The following SUZ12 variants were observed in gnomAD, a reference collection of about 807,000 sequenced individuals.
SUZ12 encodes polycomb protein SUZ12.
In SUZ12, 17 loss-of-function variants were observed where a neutral mutation model predicts 87.3. The observed-to-expected ratio is 0.19, with a 90% CI of 0.13 to 0.29. SUZ12 has a LOEUF of 0.29. Among genes scored for constraint, SUZ12 ranks in the 10% least tolerant of loss-of-function variants. The pLI, the probability that SUZ12 is intolerant of heterozygous loss-of-function variation, is 1.00. For missense variants in SUZ12, 526 were observed against 912.2 expected (o/e 0.58, Z 5.45); for synonymous variants, 253 against 312.4 (o/e 0.81, Z 2.01).
chr17:31,979,844 C>A (rs1308250065), intron 8 of SUZ12, among the ~76,000 whole-genome samples: 1 of 152,070 alleles, frequency 6.6e-6, no homozygotes, highest in Non-Finnish European at 1.5e-5. Flanking sequence ...ATAGTTTTAG[C>A]ATTGATTGAT....
chr17:31,937,276 AG>A lies in SUZ12; in HGVS notation c.35del (p.Gly12AlafsTer60). MAPQKHGGGGGGGSGPSAGSG... is the reference protein window; with the variant it reads MAPQKHGGGGXGGSGPSAGSG... ...CGCCTCAGAAGCACGGCGGTGGGGGAGGGGGCGGCTCGGGGCCCAGCGCGGG... is the reference window on the plus strand; with the variant it reads ...CGCCTCAGAAGCACGGCGGTGGGGGAGGGGCGGCTCGGGGCCCAGCGCGGG... On this transcript the variant is annotated frameshift_variant, in exon 1 of 16. Coordinates refer to ENST00000322652, the MANE Select transcript of SUZ12 (RefSeq NM_015355.4). LOFTEE classifies it high-confidence loss of function. 7.2e-7 allele frequency: 1 copy of A among 1,383,462 alleles called. No individual in the cohort carries two copies. Among genetic ancestry groups the A allele is most frequent in the Non-Finnish European group, 9.3e-7 (1 of 1,079,484 alleles). 85.7% of individuals were successfully genotyped at this position (1,383,462 alleles called of 1,614,324 possible).
chr17:31,999,422 AGTG>A lies in SUZ12; in HGVS notation c.*422_*424del, dbSNP rs1177203411. 8.6e-6 allele frequency: 2 copies of A among 232,282 alleles called. No individual in the cohort carries two copies. The highest frequency in any genetic ancestry group is 5.6e-5 in the Admixed American group (1 of 17,756). The allele number at this position is 232,282 out of a possible 1,614,324, so 14.4% of individuals were successfully genotyped here. A position where few individuals can be genotyped will look rare whatever the true frequency, so the allele number is the denominator to read the frequency against. ...AATGGTTCCCTTTTTTAGAAATTGA[AGTG>A]GTCTTCATATGTCAACTACAGAAAA... is the stretch of plus-strand genomic sequence containing the variant. On this transcript the variant is annotated 3_prime_UTR_variant, in exon 16 of 16. Transcript: ENST00000322652.
intron 14 of SUZ12, among the ~76,000 whole-genome samples, 166 bp from the exon 15 acceptor site, chr17:31,996,632 A>T (rs1387525826): frequency 6.6e-6 from 1 of 152,164 alleles, no homozygotes; most frequent in Non-Finnish European, 1.5e-5. Context: ...CTAAATAAAT[A>T]AATTAAATTA....
chr17:31,963,435 A>G (rs1286474325), intron 4 of SUZ12, among the ~76,000 whole-genome samples: 23 of 151,360 alleles, frequency 1.5e-4, no homozygotes, highest in African/African-American at 4.6e-4. Context: ...CTAGGATTAC[A>G]GGCATGAGCC....
chr17:31,983,961 A>G (rs1363347729), intron 9 of SUZ12, among the ~76,000 whole-genome samples: 1 of 152,226 alleles, frequency 6.6e-6, no homozygotes, highest in Non-Finnish European at 1.5e-5. Context: ...TTTTATTTCT[A>G]AATATGTTAG....
At chr17:31,947,137 A>G (rs1391706197) in intron 3 of SUZ12, among the ~76,000 whole-genome samples, 1 of 152,178 alleles carries the variant, frequency 6.6e-6, no homozygotes, top group African/African-American at 2.4e-5. Flanking sequence ...AATACACATA[A>G]TTTATATTTG....
chr17:31,995,861 T>A (rs504886), intron 14 of SUZ12, 99 bp downstream of exon 14: 83,534 of 852,984 alleles, frequency 0.098, 1,905 homozygotes, highest in Middle Eastern at 0.13. Flanking sequence ...GGAACTTTTT[T>A]TAAAAAAAAA....
intron 10 of SUZ12, among the ~76,000 whole-genome samples, chr17:31,992,046 A>G (rs12103860): frequency 6.6e-6 from 1 of 151,646 alleles, no homozygotes; most frequent in African/African-American, 2.4e-5. Context: ...AATCCTAGCA[A>G]TTTTGGAGGC....
At chr17:31,997,726 A>T (rs1910055936) in intron 15 of SUZ12, among the ~76,000 whole-genome samples, 1 of 151,616 alleles carries the variant, frequency 6.6e-6, no homozygotes, top group Middle Eastern at 3.2e-3. Flanking sequence ...GAGCAGCAGA[A>T]GGCAAGACAG....
chr17:31,956,966 A>T (rs1907382954), intron 4 of SUZ12, among the ~76,000 whole-genome samples: 1 of 151,954 alleles, frequency 6.6e-6, no homozygotes. Context: ...AGTAGAGACT[A>T]GTTTTCACTG....
In SUZ12 at chr17:31,960,233, C is replaced by T. The variant is rs373759025; in HGVS notation, c.456-5914C>T. Among the ~76,000 whole-genome samples, 9 of 151,356 alleles carry T rather than the reference C, an allele frequency of 5.9e-5. No homozygotes were observed. In the East Asian group the frequency reaches 7.8e-4, roughly 13 times the overall value. On this transcript the variant is annotated intron_variant, in intron 4 of 15. Coordinates refer to ENST00000322652, the MANE Select transcript of SUZ12 (RefSeq NM_015355.4). Reference sequence around the variant, plus strand: ...GAGTGTTTACTTTTTTTTTTTGAGACGGGGTCTCGCTCTGTTGCCCAGGTT... The same window carrying T: ...GAGTGTTTACTTTTTTTTTTTGAGATGGGGTCTCGCTCTGTTGCCCAGGTT...
At chr17:31,967,522 C>T (rs530329879) in intron 5 of SUZ12, 1 of 151,458 alleles carries the variant, frequency 6.6e-6, no homozygotes, top group Admixed American at 6.6e-5. Flanking sequence ...GTGGTGCACA[C>T]CTGTAGTGTC....
rs572085029 is a variant in SUZ12, at chr17:31,965,957, G to A, written c.456-190G>A. The A allele has an allele frequency of 1.3e-4, 65 of 504,360 alleles. No homozygotes were observed. In the African/African-American group the frequency reaches 1.3e-3, roughly 10 times the overall value. The allele number at this position is 504,360 out of a possible 1,614,324, so 31.2% of individuals were successfully genotyped here. On this transcript the variant is annotated intron_variant, in intron 4 of 15. Transcript: ENST00000322652. ...TTTTTTGTTGTTTATTTTTTGTTAG[G>A]TGTATAGACACACTTTTGGATGTCA...
At chr17:31,994,374 T>C in intron 12 of SUZ12, 190 bp from the exon 13 acceptor site, 1 of 478,484 alleles carries the variant, frequency 2.1e-6, no homozygotes, top group Non-Finnish European at 3.6e-6. Flanking sequence ...CACCAAGCAA[T>C]AAATGACATA....
At chr17:31,982,194 G>A (rs552326365) in intron 8 of SUZ12, among the ~76,000 whole-genome samples, 20 of 152,234 alleles carry the variant, frequency 1.3e-4, no homozygotes, top group African/African-American at 4.3e-4. Context: ...ATATGTGCCA[G>A]GTGCCCCCAG....
intron 4 of SUZ12, among the ~76,000 whole-genome samples, chr17:31,953,772 G>A: frequency 6.7e-6 from 1 of 148,646 alleles, no homozygotes; most frequent in African/African-American, 2.5e-5. Context: ...GGAGTGCAGT[G>A]GCGCGATCTC....
chr17:31,948,605 TC>T (rs1906774312), intron 4 of SUZ12, among the ~76,000 whole-genome samples: 1 of 152,202 alleles, frequency 6.6e-6, no homozygotes. Context: ...GTAAAAGACT[TC>T]CTTTTTTTCA....
intron 4 of SUZ12, among the ~76,000 whole-genome samples, chr17:31,951,461 G>A (rs1222888500): frequency 6.6e-6 from 1 of 151,372 alleles, no homozygotes; most frequent in East Asian, 1.9e-4. Context: ...AAAAACATGA[G>A]CTATTAAATG....
intron 9 of SUZ12, among the ~76,000 whole-genome samples, chr17:31,985,490 G>A (rs1909356801): frequency 6.6e-6 from 1 of 151,618 alleles, no homozygotes; most frequent in Non-Finnish European, 1.5e-5. Flanking sequence ...AACTCCAGGT[G>A]ATGAGATTTC....
Sources: allele counts gnomAD v4.1 joint callset (sites outside exome capture counted in the v4.1 genomes callset), GRCh38; gene constraint gnomAD v4.1.1; transcripts MANE v1.5; gene names NCBI Gene and HGNC (gene_info 2026-07-23, HGNC 2026-07-21).